CLTCL1: variants seen among roughly 807,000 people sequenced by gnomAD.
CLTCL1 encodes clathrin heavy chain 2.
In CLTCL1, 159 loss-of-function variants were observed where a neutral mutation model predicts 190.0. The observed-to-expected ratio is 0.84, with a 90% CI of 0.74 to 0.95. CLTCL1 has a LOEUF of 0.95. Among genes scored for constraint, CLTCL1 ranks in the 40% least tolerant of loss-of-function variants. The pLI, the probability that CLTCL1 is intolerant of heterozygous loss-of-function variation, is 0.00. For synonymous variants in CLTCL1, 752 were observed against 769.6 expected, an observed-to-expected ratio of 0.98 and a Z score of 0.38; for missense variants, 1,878 against 2,033.4, an observed-to-expected ratio of 0.92 and a Z score of 1.47.
chr22:19,202,002 C>T (rs2084902444), intron 22 of CLTCL1, among the ~76,000 whole-genome samples: 1 of 152,088 alleles, frequency 6.6e-6, no homozygotes, highest in African/African-American at 2.4e-5. Context: ...CCTTACACCT[C>T]AGAAGAGAGA....
intron 23 of CLTCL1, among the ~76,000 whole-genome samples, chr22:19,201,116 G>T (rs2084867057): frequency 6.6e-6 from 1 of 152,172 alleles, no homozygotes; most frequent in African/African-American, 2.4e-5. Flanking sequence ...TGCTATTAAG[G>T]CTACCTCTGG....
At position 19,224,006 on chromosome 22, in the gene CLTCL1, T is replaced by A; in HGVS notation, c.2177A>T (p.Asp726Val). Residue 726 changes from aspartate to valine, a missense_variant, in exon 14 of 33, where the codon GAT (aspartate) becomes GTT (valine). Transcript: ENST00000427926. The stretch of plus-strand genomic sequence containing the variant: ...AGCCTGAATGTATTTCAGATGCACA[T>A]CTGGGTCTTGGCTGAAGTTCACGAT... ...GSIVNFSQDPDVHLKYIQAAC... is the reference protein window; with the variant it reads ...GSIVNFSQDPVVHLKYIQAAC... The A allele has an allele frequency of 6.2e-7, 1 of 1,613,996 alleles. No individual in the cohort carries two copies. Among genetic ancestry groups the A allele is most frequent in the Non-Finnish European group, 8.5e-7 (1 of 1,179,898 alleles).
chr22:19,269,316 C>T (rs1687112945), intron 2 of CLTCL1, among the ~76,000 whole-genome samples: 1 of 152,184 alleles, frequency 6.6e-6, no homozygotes, highest in African/African-American at 2.4e-5. Context: ...AGGAGAATCA[C>T]TTGAACCTGG....
In CLTCL1 at chr22:19,232,475, C is replaced by A. The variant is rs781947866; in HGVS notation, c.1644+1G>T. On this transcript the variant is annotated splice_donor_variant, in intron 10 of 32. Coordinates refer to ENST00000427926, the MANE Select transcript of CLTCL1 (RefSeq NM_007098.4). LOFTEE classifies it high-confidence loss of function. ...AGTTGTCCAAAACTGCCTACGCTCACCTGGCTAATGTTGGCCAGCGGCTCC... is the reference window on the plus strand; with the variant it reads ...AGTTGTCCAAAACTGCCTACGCTCAACTGGCTAATGTTGGCCAGCGGCTCC... The A allele has an allele frequency of 1.1e-5, 17 of 1,613,856 alleles. No homozygotes were observed. In the Admixed American group the frequency reaches 2.3e-4, roughly 22 times the overall value.
At chr22:19,282,563 AG>A (rs2087755781) in intron 1 of CLTCL1, among the ~76,000 whole-genome samples, 2 of 150,828 alleles carry the variant, frequency 1.3e-5, no homozygotes, top group Admixed American at 6.6e-5. Context: ...CAGGAGGTGG[AG>A]GCTGCAGCAA....
chr22:19,202,368 G>A (rs868936785), intron 22 of CLTCL1, among the ~76,000 whole-genome samples: 5 of 150,892 alleles, frequency 3.3e-5, no homozygotes, highest in Middle Eastern at 3.4e-3. Context: ...TCCTACTTCC[G>A]CCATCCACAG....
rs782580231 is a variant in CLTCL1, at chr22:19,183,572, G to C, written c.4645C>G (p.Leu1549Val). The part of the protein sequence containing the change: ...QHAAESRDAE[L>V]AQKLLQWFLE... ...AACCACTGCAGCAACTTCTGGGCCA[G>C]CTCAGCATCCCGCGACTCTGCAGCA... Residue 1549 changes from leucine (L) to valine (V), a missense_variant, in exon 30 of 33, where the codon CTG (leucine) becomes GTG (valine). Transcript: ENST00000427926. 1.9e-6 allele frequency: 3 copies of C among 1,613,776 alleles called. No individual in the cohort carries two copies. The highest frequency in any genetic ancestry group is 2.2e-5 in the East Asian group (1 of 44,888).
At chr22:19,281,518 C>T (rs1459143422) in intron 1 of CLTCL1, among the ~76,000 whole-genome samples, 1 of 152,138 alleles carries the variant, frequency 6.6e-6, no homozygotes, top group African/African-American at 2.4e-5. Context: ...AACAAGATGT[C>T]TGGAATTGGC....
intron 6 of CLTCL1, among the ~76,000 whole-genome samples, chr22:19,234,907 A>G (rs2086031710): frequency 6.6e-6 from 1 of 152,000 alleles, no homozygotes; most frequent in South Asian, 2.1e-4. Context: ...ATAGGAGTCT[A>G]TGTAGTTATT....
intron 2 of CLTCL1, among the ~76,000 whole-genome samples, chr22:19,272,169 C>T (rs1275112909): frequency 6.6e-6 from 1 of 152,094 alleles, no homozygotes; most frequent in African/African-American, 2.4e-5. Flanking sequence ...TTTGCCAATC[C>T]CTCAGTTAAG....
intron 2 of CLTCL1, among the ~76,000 whole-genome samples, chr22:19,265,182 T>G (rs2087081276): frequency 6.6e-6 from 1 of 152,232 alleles, no homozygotes. Flanking sequence ...AACTATATTA[T>G]CAACTTAAGT....
chr22:19,212,615 GGAAAGAAAGAGAAA>G (rs1216071371), intron 19 of CLTCL1, among the ~76,000 whole-genome samples: 147 of 110,662 alleles, frequency 1.3e-3, no homozygotes, highest in Middle Eastern at 5.9e-3. Flanking sequence ...AAGGAAGGAA[GGAAAGAAAGAGAAA>G]GAAAGAAAGA....
intron 4 of CLTCL1, among the ~76,000 whole-genome samples, chr22:19,241,086 G>A (rs1555965179): frequency 6.6e-6 from 1 of 152,200 alleles, no homozygotes; most frequent in Non-Finnish European, 1.5e-5. Flanking sequence ...GCCGCTCCAG[G>A]ACAGGTACTG....
At chr22:19,179,995 G>C (rs970306794) in intron 32 of CLTCL1, 26 bp from the exon 33 acceptor site, 1 of 593,494 alleles carries the variant, frequency 1.7e-6, no homozygotes, top group African/African-American at 1.9e-5. Flanking sequence ...CCCACAATGA[G>C]CAGAGCTCTT....
chr22:19,277,657 C>A (rs2087563363), intron 1 of CLTCL1, among the ~76,000 whole-genome samples: 1 of 152,172 alleles, frequency 6.6e-6, no homozygotes, highest in Admixed American at 6.5e-5. Flanking sequence ...GAAAATAATG[C>A]TAGGAGTGGT....
chr22:19,233,478 G>C lies in CLTCL1; in HGVS notation c.1312C>G (p.Leu438Val). 6.2e-7 allele frequency: 1 copy of C among 1,613,906 alleles called. No homozygotes were observed. The highest frequency in any genetic ancestry group is 8.5e-7 in the Non-Finnish European group (1 of 1,179,852). ...TGCTTACGCCCCTGCTGAAGAACCA[G>C]ATGGCAAAGTTCTAAGGATTCAAGT... Reference protein sequence around the residue: ...NKLESLELCHLVLQQGRKQLL... With the variant: ...NKLESLELCHVVLQQGRKQLL... Residue 438 changes from leucine (L) to valine (V), a missense_variant, in exon 8 of 33, where the codon CTG becomes GTG. By Grantham distance (32) the Leu-to-Val change is conservative. Coordinates refer to ENST00000427926, the MANE Select transcript of CLTCL1 (RefSeq NM_007098.4).
chr22:19,257,201 A>C (rs1456426067), intron 2 of CLTCL1, among the ~76,000 whole-genome samples: 13 of 152,230 alleles, frequency 8.5e-5, no homozygotes, highest in Admixed American at 8.5e-4. Flanking sequence ...ACCTCATTAC[A>C]AAGTTAAAGT....
intron 3 of CLTCL1, among the ~76,000 whole-genome samples, chr22:19,245,793 A>C (rs1200440935): frequency 6.6e-6 from 1 of 152,132 alleles, no homozygotes; most frequent in Non-Finnish European, 1.5e-5. Context: ...CACTTTTTTC[A>C]TTTAGTAAGT....
chr22:19,191,855 T>C (rs756651), intron 26 of CLTCL1, among the ~76,000 whole-genome samples: 114,222 of 152,120 alleles, frequency 0.75, 44,112 homozygotes, highest in East Asian at 0.94. Flanking sequence ...GTGGACAGCA[T>C]GTCCTGTGAC....
Sources: gnomAD v4.1 joint callset for allele counts (sites outside exome capture counted in the v4.1 genomes callset) on GRCh38, gnomAD v4.1.1 for gene constraint, MANE v1.5 for transcripts, NCBI Gene and HGNC (gene_info 2026-07-23, HGNC 2026-07-21) for gene names.